UBE2E1: variants seen among roughly 807,000 people sequenced by gnomAD.
UBE2E1 encodes the protein ubiquitin-conjugating enzyme E2 E1.
UBE2E1 carries 6 observed loss-of-function variants against 21.4 expected under a neutral mutation model. The observed-to-expected ratio is 0.28, with a 90% CI of 0.15 to 0.55. The LOEUF is 0.55. Among genes scored for constraint, UBE2E1 ranks in the 20% least tolerant of loss-of-function variants. The pLI is 0.93. For missense variants in UBE2E1, 142 were observed against 236.5 expected (o/e 0.60, Z 2.62); for synonymous variants, 87 against 82.7 (o/e 1.05, Z -0.28).
chr3:23,833,420 T>A (rs1315927694), intron 3 of UBE2E1, among the ~76,000 whole-genome samples: 1 of 152,226 alleles, frequency 6.6e-6, no homozygotes, highest in Non-Finnish European at 1.5e-5. Context: ...ATGAATTAGT[T>A]TTATTATTTT....
intron 3 of UBE2E1, among the ~76,000 whole-genome samples, chr3:23,868,110 A>T (rs76779819): frequency 0.082 from 12,450 of 152,304 alleles, 669 homozygotes; most frequent in South Asian, 0.14. Context: ...ATCTCCCCTC[A>T]GTTCCTAAGC....
In UBE2E1 at chr3:23,872,199, C is replaced by T. The variant is rs910254517; in HGVS notation, c.204-15368C>T. On this transcript the variant is annotated intron_variant, in intron 3 of 5. Transcript: ENST00000306627. ...CAGCCCGGCCAACACAGCGAAACCCCGTCTCCACCAAAAAAATACGAAAAC... is the reference window on the plus strand; with the variant it reads ...CAGCCCGGCCAACACAGCGAAACCCTGTCTCCACCAAAAAAATACGAAAAC... Among the ~76,000 whole-genome samples, 12 of 152,280 alleles carry T rather than the reference C, an allele frequency of 7.9e-5. No homozygotes were observed. The East Asian group carries it at 1.2e-3, about 15-fold the overall frequency.
chr3:23,870,420 A>G lies in UBE2E1; in HGVS notation c.204-17147A>G, dbSNP rs1700759255. Reference sequence around the variant, plus strand: ...TCAAACAATCTGTGGACGGTGTTGTAAAACTGCCACAGGGAGTTAATTTAC... The same window carrying G: ...TCAAACAATCTGTGGACGGTGTTGTGAAACTGCCACAGGGAGTTAATTTAC... On this transcript the variant is annotated intron_variant, in intron 3 of 5. Transcript: ENST00000306627. This position sits in a 1 kb window ranked among gnomAD's most constrained non-coding sequence, Gnocchi z 4.2. Among the ~76,000 whole-genome samples, 1 of 152,208 alleles carries G rather than the reference A, an allele frequency of 6.6e-6. No individual in the cohort carries two copies. The highest frequency in any genetic ancestry group is 1.5e-5 in the Non-Finnish European group (1 of 68,046).
At chr3:23,889,631 G>C (rs560169001) in intron 5 of UBE2E1, 2 of 985,140 alleles carry the variant, frequency 2.0e-6, no homozygotes, top group African/African-American at 1.7e-5. Flanking sequence ...CTGTGCCTCT[G>C]GGGTTCAGTG....
chr3:23,862,555 A>G (rs1260022629), intron 3 of UBE2E1, among the ~76,000 whole-genome samples: 1 of 152,192 alleles, frequency 6.6e-6, no homozygotes, highest in Non-Finnish European at 1.5e-5. Flanking sequence ...TTATGTGGTG[A>G]ATCTATAATA....
intron 3 of UBE2E1, among the ~76,000 whole-genome samples, chr3:23,832,660 G>A (rs1007043496): frequency 1.3e-5 from 2 of 152,124 alleles, no homozygotes; most frequent in African/African-American, 2.4e-5. Context: ...GCTTGAAGCC[G>A]GGAGGCGAAG....
At chr3:23,872,016 G>A (rs1054491764) in intron 3 of UBE2E1, among the ~76,000 whole-genome samples, 3 of 151,988 alleles carry the variant, frequency 2.0e-5, no homozygotes, top group Admixed American at 6.5e-5. Context: ...GGAGGCCAAG[G>A]CAGGCGGGTG....
At chr3:23,846,255 T>C (rs1247655258) in intron 3 of UBE2E1, among the ~76,000 whole-genome samples, 1 of 152,226 alleles carries the variant, frequency 6.6e-6, no homozygotes, top group Non-Finnish European at 1.5e-5. Flanking sequence ...AAATTCCTTT[T>C]AAGCCTATTC....
chr3:23,815,052 C>G (rs1363588865), intron 3 of UBE2E1, among the ~76,000 whole-genome samples: 1 of 152,112 alleles, frequency 6.6e-6, no homozygotes, highest in Non-Finnish European at 1.5e-5. Context: ...TGCAGTGGTG[C>G]TCACTGCAGC....
chr3:23,860,153 T>C (rs1274491267), intron 3 of UBE2E1, among the ~76,000 whole-genome samples: 1 of 152,250 alleles, frequency 6.6e-6, no homozygotes, highest in Non-Finnish European at 1.5e-5. Flanking sequence ...GCTGCCAGCT[T>C]GCTCTCACAG....
chr3:23,859,332 A>AG (rs1447596426), intron 3 of UBE2E1, among the ~76,000 whole-genome samples: 3 of 152,150 alleles, frequency 2.0e-5, no homozygotes, highest in Non-Finnish European at 2.9e-5. Context: ...TTACTCCTTA[A>AG]GGGAGGTATG....
chr3:23,880,609 G>T (rs1327385241), intron 3 of UBE2E1, among the ~76,000 whole-genome samples: 1 of 152,246 alleles, frequency 6.6e-6, no homozygotes, highest in South Asian at 2.1e-4. Flanking sequence ...TTCTTTAAAA[G>T]AAATCAATAA....
intron 5 of UBE2E1, 123 bp from the exon 6 acceptor site, chr3:23,890,386 G>A (rs1255805258): frequency 5.9e-5 from 47 of 799,600 alleles, no homozygotes; most frequent in Non-Finnish European, 8.8e-5. Context: ...GTGGAGTGGT[G>A]TTTCGAAGAT....
At chr3:23,811,100 ATC>A (rs1346917873) in intron 2 of UBE2E1, 7 of 259,462 alleles carry the variant, frequency 2.7e-5, no homozygotes, top group Admixed American at 9.5e-5. Context: ...GATGGCTGTG[ATC>A]TCTCCGTGCT....
chr3:23,850,681 G>GTT (rs550418701), intron 3 of UBE2E1, among the ~76,000 whole-genome samples: 1,884 of 104,268 alleles, frequency 0.018, 71 homozygotes, highest in South Asian at 0.048. Context: ...ACACCTGATT[G>GTT]TTTTTTTTTT....
intron 3 of UBE2E1, among the ~76,000 whole-genome samples, chr3:23,855,099 A>G (rs764450359): frequency 1.3e-5 from 2 of 152,244 alleles, no homozygotes; most frequent in Non-Finnish European, 2.9e-5. Context: ...GTTTAATCCA[A>G]AAATAGAGAG....
chr3:23,848,871 A>C (rs1221232783), intron 3 of UBE2E1, among the ~76,000 whole-genome samples: 1 of 152,228 alleles, frequency 6.6e-6, no homozygotes, highest in Non-Finnish European at 1.5e-5. Context: ...AGTGAAGACC[A>C]TGAGTTCATG....
Position 23,871,552 on chromosome 3 carries a change from C to T in UBE2E1, c.204-16015C>T, listed in dbSNP as rs567000572. On this transcript the variant is annotated intron_variant, in intron 3 of 5. Coordinates refer to ENST00000306627, the MANE Select transcript of UBE2E1 (RefSeq NM_003341.5). ...CCTCTCGGACGGGGTGGCTGCCGGG[C>T]GGAGACGCTCCTCACTTCCCAGACG... Among the ~76,000 whole-genome samples the T allele has an allele frequency of 4.0e-5, 6 of 150,344 alleles. No individual in the cohort carries two copies. The South Asian group carries it at 1.1e-3, about 27-fold the overall frequency.
intron 3 of UBE2E1, among the ~76,000 whole-genome samples, chr3:23,862,194 G>C (rs1700574045): frequency 6.6e-6 from 1 of 152,202 alleles, no homozygotes; most frequent in African/African-American, 2.4e-5. Context: ...TTTCACTGCT[G>C]TGACAGTGCA....
Sources: allele counts gnomAD v4.1 joint callset (sites outside exome capture counted in the v4.1 genomes callset), GRCh38; gene constraint gnomAD v4.1.1; non-coding constraint Gnocchi (gnomAD v3.1); transcripts MANE v1.5; gene names NCBI Gene and HGNC (gene_info 2026-07-23, HGNC 2026-07-21).